Variants in PTPRS observed in about 807,000 individuals in gnomAD.
PTPRS encodes the protein protein tyrosine phosphatase receptor type S, also known as receptor-type tyrosine-protein phosphatase S.
A neutral mutation model predicts 215.3 loss-of-function variants in PTPRS; 63 were observed. That is an observed-to-expected ratio of 0.29 (90% CI 0.24 to 0.36). The LOEUF (loss-of-function observed/expected upper bound fraction) is 0.36, where lower values mean the gene tolerates loss of function less well. PTPRS is among the 10% of genes least tolerant of loss of function. PTPRS has a pLI of 1.00. For missense variants in PTPRS, 2,258 were observed against 2,825.8 expected, an observed-to-expected ratio of 0.80 and a Z score of 4.56; for synonymous variants, 1,404 against 1,191.4, an observed-to-expected ratio of 1.18 and a Z score of -3.68.
intron 1 of PTPRS, among the ~76,000 whole-genome samples, chr19:5,315,474 T>C (rs2049846974): frequency 6.8e-6 from 1 of 147,736 alleles, no homozygotes; most frequent in Admixed American, 6.9e-5. Context: ...AGCAATTCTC[T>C]TGCCTCAGCC....
chr19:5,217,486 A>ATTTAAC (rs2041587025), intron 25 of PTPRS, among the ~76,000 whole-genome samples: 2 of 152,120 alleles, frequency 1.3e-5, no homozygotes, highest in African/African-American at 4.8e-5. Flanking sequence ...TTAAATACTA[A>ATTTAAC]TGGTCAAACT....
intron 1 of PTPRS, among the ~76,000 whole-genome samples, chr19:5,308,735 T>C (rs888878467): frequency 1.3e-5 from 2 of 152,102 alleles, no homozygotes; most frequent in Admixed American, 1.3e-4. Flanking sequence ...AGAGAGATTA[T>C]ATATTCATCA....
At chr19:5,254,318 G>C (rs904226932) in intron 9 of PTPRS, among the ~76,000 whole-genome samples, 1 of 152,190 alleles carries the variant, frequency 6.6e-6, no homozygotes, top group African/African-American at 2.4e-5. Flanking sequence ...GGGACAAGAG[G>C]GGGAAAAGGT....
intron 17 of PTPRS, among the ~76,000 whole-genome samples, chr19:5,224,975 C>T (rs2042345465): frequency 6.6e-6 from 1 of 152,064 alleles, no homozygotes; most frequent in African/African-American, 2.4e-5. Flanking sequence ...CTGAAACACC[C>T]GAGCTTGTTC....
At position 5,222,706 on chromosome 19, in the gene PTPRS, G is replaced by A. The variant is rs767586201; in HGVS notation, c.3086C>T (p.Thr1029Met). The change falls in exon 18 of 38, where the codon ACG becomes ATG. Residue 1029 changes from threonine (T) to methionine (M), a missense_variant. Physicochemically the swap from Thr to Met is moderately conservative, Grantham distance 81. Around this residue, in one of 6 missense-constraint regions of PTPRS, gnomAD observed 361 missense variants for 332.6 expected, o/e 1.09. Coordinates refer to ENST00000262963, the MANE Select transcript of PTPRS (RefSeq NM_002850.4). ...GPFSPPVRYR[T>M]FLRDQVSPKN... ...GCGCCTACCTTGGTCCCGCAGGAAC[G>A]TCCGGTAGCGGACGGGGGGGCTGAA... 9.4e-6 allele frequency: 15 copies of A among 1,591,644 alleles called. No homozygotes were observed. Among genetic ancestry groups the A allele is most frequent in the South Asian group, 2.2e-5 (2 of 90,412 alleles).
At chr19:5,276,172 C>A (rs566790896) in intron 2 of PTPRS, among the ~76,000 whole-genome samples, 3 of 152,330 alleles carry the variant, frequency 2.0e-5, no homozygotes, top group African/African-American at 7.2e-5. Context: ...CCATGACGAT[C>A]TGATGTATTC....
chr19:5,332,678 G>A (rs966881227), intron 1 of PTPRS, among the ~76,000 whole-genome samples: 1 of 152,198 alleles, frequency 6.6e-6, no homozygotes, highest in African/African-American at 2.4e-5. Context: ...TCCTGCGCAA[G>A]GCCCAGCAGC....
chr19:5,218,202 T>TA (rs5826876), intron 25 of PTPRS, among the ~76,000 whole-genome samples: 44,839 of 146,150 alleles, frequency 0.31, 7,109 homozygotes, highest in East Asian at 0.55. Flanking sequence ...ATGTTAACTT[T>TA]AAAAAAAAAA....
chr19:5,246,537 G>A (rs551065420), intron 9 of PTPRS, among the ~76,000 whole-genome samples: 1 of 152,332 alleles, frequency 6.6e-6, no homozygotes, highest in African/African-American at 2.4e-5. Context: ...CATCCCCTTC[G>A]GGGAGCGCTG....
intron 1 of PTPRS, among the ~76,000 whole-genome samples, chr19:5,315,594 GC>G (rs1307371307): frequency 2.0e-5 from 3 of 151,466 alleles, no homozygotes; most frequent in Admixed American, 1.3e-4. Flanking sequence ...GGAACTCCAG[GC>G]CCCAAGCGAT....
Position 5,244,619 on chromosome 19 carries a change from G to A in PTPRS, c.989-137C>T. 1.5e-6 allele frequency: 1 copy of A among 682,018 alleles called. No individual in the cohort carries two copies. The highest frequency in any genetic ancestry group is 2.5e-6 in the Non-Finnish European group (1 of 407,570). 42.2% of individuals were successfully genotyped at this position (682,018 alleles called of 1,614,324 possible). A position where few individuals can be genotyped will look rare whatever the true frequency, so the allele number is the denominator to read the frequency against. On this transcript the variant is annotated intron_variant, in intron 10 of 37. Coordinates refer to ENST00000262963, the MANE Select transcript of PTPRS (RefSeq NM_002850.4). The surrounding 1 kb of genome is among the most constrained non-coding windows in gnomAD (Gnocchi z 7.2). ...AGTAATCATGGGCCTCATGACTCCT[G>A]TCATCGTCTACAGCAAGGGGTAACA...
chr19:5,336,000 TGGA>T (rs1201577204), intron 1 of PTPRS, among the ~76,000 whole-genome samples: 11 of 145,058 alleles, frequency 7.6e-5, no homozygotes, highest in Admixed American at 2.1e-4. Flanking sequence ...GGCAGCTCCA[TGGA>T]GGAGGAGGAG....
rs184448236 is a variant in PTPRS at position 5,272,287 on chromosome 19, C to G, written c.379+1155G>C. Among the ~76,000 whole-genome samples the G allele has an allele frequency of 1.3e-4, 20 of 152,094 alleles. No individual in the cohort carries two copies. In the East Asian group the frequency reaches 3.7e-3, roughly 28 times the overall value. On this transcript the variant is annotated intron_variant, in intron 4 of 37. Transcript: ENST00000262963. ...TCACTCAGACAGCCCCCTATAAACC[C>G]CTTGCGACTTGTTCAAGAAATGCAT...
intron 1 of PTPRS, among the ~76,000 whole-genome samples, chr19:5,298,660 C>T (rs1368094900): frequency 6.6e-6 from 1 of 152,240 alleles, no homozygotes; most frequent in African/African-American, 2.4e-5. Flanking sequence ...AGCCCTGGCG[C>T]CGGGTCTACC....
chr19:5,218,752 G>A (rs746409217), intron 24 of PTPRS, 35 bp downstream of exon 24: 17 of 1,610,610 alleles, frequency 1.1e-5, no homozygotes, highest in Non-Finnish European at 1.4e-5. Flanking sequence ...TCTTCCTCTT[G>A]CCTGAAGCCT....
In PTPRS at chr19:5,303,950, C is replaced by CAAAA. The variant is rs1555805672; in HGVS notation, c.-94-17720_-94-17717dup. Among the ~76,000 whole-genome samples the CAAAA allele has an allele frequency of 9.4e-5, 9 of 95,702 alleles. 1 individual carries two copies. Among genetic ancestry groups the CAAAA allele is most frequent in the Admixed American group, 2.2e-4 (2 of 9,102 alleles). 62.8% of individuals were successfully genotyped at this position (95,702 alleles called of 152,430 possible). A position where few individuals can be genotyped will look rare whatever the true frequency, so the allele number is the denominator to read the frequency against. ...TGGGTGACACAGCGAGACTCTGTCT[C>CAAAA]AAAAAATAATAATAACAATAAAATA... is the stretch of plus-strand genomic sequence containing the variant. On this transcript the variant is annotated intron_variant, in intron 1 of 37. Coordinates refer to ENST00000262963, the MANE Select transcript of PTPRS (RefSeq NM_002850.4).
At chr19:5,207,088 T>G (rs1450196264) in intron 37 of PTPRS, among the ~76,000 whole-genome samples, 3 of 152,114 alleles carry the variant, frequency 2.0e-5, no homozygotes, top group African/African-American at 7.2e-5. Flanking sequence ...TCATCTTTTC[T>G]TTTTTATTTA....
intron 15 of PTPRS, 43 bp downstream of exon 15, chr19:5,229,448 C>T (rs2042823641): frequency 5.1e-6 from 7 of 1,377,910 alleles, no homozygotes; most frequent in Admixed American, 7.9e-5. Context: ...GGCCCGTCCC[C>T]GCCCGGAGCC....
intron 5 of PTPRS, 28 bp downstream of exon 5, chr19:5,264,978 TCC>T: frequency 6.2e-7 from 1 of 1,611,548 alleles, no homozygotes; most frequent in Non-Finnish European, 8.5e-7. Context: ...CCTCCAAGGC[TCC>T]CACGTCCTGT....
Sources: allele counts gnomAD v4.1 joint callset (sites outside exome capture counted in the v4.1 genomes callset), GRCh38; gene constraint gnomAD v4.1.1; regional missense constraint gnomAD v4.1.1; non-coding constraint Gnocchi (gnomAD v3.1); transcripts MANE v1.5; gene names NCBI Gene and HGNC (gene_info 2026-07-23, HGNC 2026-07-21).